HEPACAM2: variants seen among roughly 807,000 people sequenced by gnomAD.
The protein encoded by HEPACAM2 is mitotic kinetics regulator.
Under a neutral mutation model 49.6 loss-of-function variants are expected in HEPACAM2, and 49 were observed. The ratio of observed to expected loss-of-function variants is 0.99; its 90% CI spans 0.78 to 1.25. The LOEUF (loss-of-function observed/expected upper bound fraction) is 1.25. HEPACAM2 is among the 50% of genes most tolerant of loss of function. The pLI is 0.00. For synonymous variants in HEPACAM2, 197 were observed against 202.9 expected (o/e 0.97, Z 0.25); for missense variants, 525 against 557.2 (o/e 0.94, Z 0.58).
chr7:93,222,717 G>A (rs1794473199), intron 1 of HEPACAM2, among the ~76,000 whole-genome samples: 1 of 152,034 alleles, frequency 6.6e-6, no homozygotes, highest in Admixed American at 6.6e-5. Flanking sequence ...GTGAATAGGA[G>A]GTAATATCAG....
chr7:93,202,043 A>C (rs1584336071), intron 4 of HEPACAM2, among the ~76,000 whole-genome samples: 2 of 148,126 alleles, frequency 1.4e-5, no homozygotes, highest in Admixed American at 6.7e-5. Flanking sequence ...AAAAAAAAAA[A>C]AAAAAACCAC....
chr7:93,224,745 C>A (rs1794509706), intron 1 of HEPACAM2, among the ~76,000 whole-genome samples: 1 of 152,154 alleles, frequency 6.6e-6, no homozygotes, highest in Admixed American at 6.6e-5. Context: ...GCATTTACTT[C>A]CCTGTTATCA....
chr7:93,200,126 T>G (rs1793843870), intron 4 of HEPACAM2, among the ~76,000 whole-genome samples: 1 of 152,074 alleles, frequency 6.6e-6, no homozygotes, highest in African/African-American at 2.4e-5. Flanking sequence ...TTCAACTAGG[T>G]GAGGCAGGTT....
chr7:93,206,626 T>A, intron 4 of HEPACAM2, among the ~76,000 whole-genome samples: 1 of 152,178 alleles, frequency 6.6e-6, no homozygotes, highest in South Asian at 2.1e-4. Context: ...TTAAAATTAA[T>A]AAAGATGAAA....
At chr7:93,189,710 A>G (rs981612015) in intron 9 of HEPACAM2, among the ~76,000 whole-genome samples, 7 of 152,014 alleles carry the variant, frequency 4.6e-5, no homozygotes, top group African/African-American at 1.7e-4. Flanking sequence ...AAAGAAAATA[A>G]CACTGTTATT....
At chr7:93,215,814 TC>T in intron 2 of HEPACAM2, 129 bp from the exon 3 acceptor site, 1 of 864,886 alleles carries the variant, frequency 1.2e-6, no homozygotes, top group Non-Finnish European at 1.7e-6. Context: ...TGTAGACAGC[TC>T]AGGTAATAAC....
chr7:93,224,424 ATAAAT>A (rs1475552312), intron 1 of HEPACAM2, among the ~76,000 whole-genome samples: 1 of 152,194 alleles, frequency 6.6e-6, no homozygotes, highest in Non-Finnish European at 1.5e-5. Context: ...AAAAACTCTT[ATAAAT>A]TATAGTTCTG....
chr7:93,198,215 A>C (rs1038401957), intron 4 of HEPACAM2, among the ~76,000 whole-genome samples: 3 of 152,126 alleles, frequency 2.0e-5, no homozygotes, highest in Non-Finnish European at 4.4e-5. Flanking sequence ...TTTGACTAGA[A>C]TTCACTTTGT....
At chr7:93,211,492 G>C (rs1374291813) in intron 3 of HEPACAM2, among the ~76,000 whole-genome samples, 1 of 152,014 alleles carries the variant, frequency 6.6e-6, no homozygotes, top group Admixed American at 6.6e-5. Context: ...CCACTAAACA[G>C]TAAGTAGTGT....
intron 3 of HEPACAM2, among the ~76,000 whole-genome samples, chr7:93,210,802 T>C (rs1317763094): frequency 2.0e-5 from 3 of 151,960 alleles, no homozygotes; most frequent in Admixed American, 2.0e-4. Flanking sequence ...TTAGGGTAAC[T>C]AATTTTTTCA....
At position 93,197,242 on chromosome 7, in the gene HEPACAM2, T is replaced by G. The variant is rs747108638; in HGVS notation, c.1200A>C (p.Ser400=). 2.9e-5 allele frequency: 47 copies of G among 1,609,480 alleles called. No individual in the cohort carries two copies. Among genetic ancestry groups the G allele is most frequent in the Non-Finnish European group, 3.7e-5 (43 of 1,177,812 alleles). ...AGCCCTTTTCAGCTTGGCCATTACC[T>G]GAAAATGTTTGAGCTTTCCTGTATT... ...ETEYRKAQTF[S]GHEDALDDFG... Residue 400 remains serine (S), a splice_region_variant and synonymous_variant, in exon 7 of 10, where the codon TCA becomes TCC. Transcript: ENST00000394468.
intron 1 of HEPACAM2, among the ~76,000 whole-genome samples, chr7:93,223,948 A>G (rs1271448873): frequency 1.3e-5 from 2 of 152,156 alleles, no homozygotes. Flanking sequence ...TTGATGTGTC[A>G]CCCACTACAG....
chr7:93,193,359 C>G (rs1040571083), intron 8 of HEPACAM2, among the ~76,000 whole-genome samples: 1 of 152,110 alleles, frequency 6.6e-6, no homozygotes, highest in African/African-American at 2.4e-5. Context: ...TACGATCTAT[C>G]CTTGAGATCA....
rs993936884 is a variant in HEPACAM2, at chr7:93,189,244, T to C, written c.*23A>G. On this transcript the variant is annotated 3_prime_UTR_variant, in exon 10 of 10. Coordinates refer to ENST00000394468, the MANE Select transcript of HEPACAM2 (RefSeq NM_001039372.4). Reference sequence around the variant, plus strand: ...ATGTTTCTTCAGAATTTCACTCGAATGTACTGTTTAGCCCATGAAAGTTCA... The same window carrying C: ...ATGTTTCTTCAGAATTTCACTCGAACGTACTGTTTAGCCCATGAAAGTTCA... 2 of 1,586,932 alleles carry C rather than the reference T, an allele frequency of 1.3e-6. No individual in the cohort carries two copies. Among genetic ancestry groups the C allele is most frequent in the Non-Finnish European group, 1.7e-6 (2 of 1,159,020 alleles).
chr7:93,202,797 C>T (rs1459852078), intron 4 of HEPACAM2, among the ~76,000 whole-genome samples: 1 of 152,120 alleles, frequency 6.6e-6, no homozygotes, highest in African/African-American at 2.4e-5. Flanking sequence ...CTCTGGCCGG[C>T]ATCAGCTCTC....
intron 4 of HEPACAM2, among the ~76,000 whole-genome samples, chr7:93,198,279 C>T (rs1008770319): frequency 1.9e-4 from 29 of 152,004 alleles, no homozygotes; most frequent in African/African-American, 7.0e-4. Context: ...GTGCTAATAA[C>T]ATCTGCTCTG....
chr7:93,194,921 CTTTT>C (rs80158728), intron 8 of HEPACAM2, among the ~76,000 whole-genome samples: 12 of 118,174 alleles, frequency 1.0e-4, no homozygotes, highest in Admixed American at 4.7e-4. Context: ...TTTAAAAGAT[CTTTT>C]TTTTTTTTTT....
chr7:93,197,474 T>C lies in HEPACAM2; in HGVS notation c.1138+11A>G, dbSNP rs1793760532. On this transcript the variant is annotated intron_variant, in intron 5 of 9. Transcript: ENST00000394468. ...TACAGCTTCAATTTTTTTTTTGTAATTTTAACCTACCTTTGTAGGGTTGAT... is the reference window on the plus strand; with the variant it reads ...TACAGCTTCAATTTTTTTTTTGTAACTTTAACCTACCTTTGTAGGGTTGAT... 1 of 1,582,064 alleles carries C rather than the reference T, an allele frequency of 6.3e-7. No individual in the cohort carries two copies. The highest frequency in any genetic ancestry group is 2.2e-5 in the East Asian group (1 of 44,468).
chr7:93,219,022 G>C (rs1255355541), intron 2 of HEPACAM2, 79 bp downstream of exon 2: 1 of 1,241,672 alleles, frequency 8.1e-7, no homozygotes, highest in Admixed American at 2.0e-5. Flanking sequence ...AAGATCTAAA[G>C]CCGAAGTAGT....
Sources: allele counts gnomAD v4.1 joint callset (sites outside exome capture counted in the v4.1 genomes callset), GRCh38; gene constraint gnomAD v4.1.1; transcripts MANE v1.5; gene names NCBI Gene and HGNC (gene_info 2026-07-23, HGNC 2026-07-21).